The following ATP8B2 variants were observed in gnomAD, a reference collection of about 807,000 sequenced individuals.
The protein encoded by ATP8B2 is ATPase phospholipid transporting 8B2, also known as phospholipid-transporting ATPase ID.
In ATP8B2, 70 loss-of-function variants were observed where a neutral mutation model predicts 133.4. That is an observed-to-expected ratio of 0.52 (90% CI 0.43 to 0.64). The LOEUF (loss-of-function observed/expected upper bound fraction) is 0.64, where lower values mean the gene tolerates loss of function less well. Ranked by LOEUF, ATP8B2 falls within the 30% of genes least tolerant of loss-of-function variation. The probability of loss-of-function intolerance (pLI) is 0.00; values close to 1 mark genes in which losing one functional copy is unlikely to be tolerated. For missense variants in ATP8B2, 1,101 were observed against 1,535.7 expected (o/e 0.72, Z 4.73); for synonymous variants, 517 against 589.5 (o/e 0.88, Z 1.78).
Position 154,349,147 on chromosome 1 carries a change from G to C in ATP8B2, c.*29G>C. The C allele has an allele frequency of 6.2e-7, 1 of 1,603,740 alleles. No individual in the cohort carries two copies. The highest frequency in any genetic ancestry group is 8.5e-7 in the Non-Finnish European group (1 of 1,173,106). On this transcript the variant is annotated 3_prime_UTR_variant, in exon 28 of 28. Transcript: ENST00000368489. ...CCGAGGATGGATGCCCTGTGCCAGT[G>C]ACCAGAGCACCCAGGGCTGGCCAGT... is the stretch of plus-strand genomic sequence containing the variant.
chr1:154,342,054 T>C (rs1484753968), intron 13 of ATP8B2, among the ~76,000 whole-genome samples: 1 of 152,118 alleles, frequency 6.6e-6, no homozygotes, highest in Non-Finnish European at 1.5e-5. Flanking sequence ...TGGGGCAGCA[T>C]GTGGGGCTGA....
In ATP8B2 at chr1:154,340,096, C is replaced by G. The variant is rs1274384515; in HGVS notation, c.1035-758C>G. Among the ~76,000 whole-genome samples the G allele has an allele frequency of 6.6e-6, 1 of 152,140 alleles. No homozygotes were observed. The highest frequency in any genetic ancestry group is 1.5e-5 in the Non-Finnish European group (1 of 68,006). On this transcript the variant is annotated intron_variant, in intron 12 of 27. Transcript: ENST00000368489. The surrounding 1 kb of genome is among the most constrained non-coding windows in gnomAD (Gnocchi z 4.0). ...TAGGGAGGCTGAGGTGGGAGGATTGCTTGAGCCCAGGAGTTTGAGGCTACA... is the reference window on the plus strand; with the variant it reads ...TAGGGAGGCTGAGGTGGGAGGATTGGTTGAGCCCAGGAGTTTGAGGCTACA...
rs538017829 is a variant in ATP8B2 at position 154,339,606 on chromosome 1, A to C, written c.1035-1248A>C. ...ACTTGAAGCCCTTGGGAGCAGCTAA[A>C]GCAGTTTTCTTTCTGAGTCTCATCA... On this transcript the variant is annotated intron_variant, in intron 12 of 27. Coordinates refer to ENST00000368489, the MANE Select transcript of ATP8B2 (RefSeq NM_001370597.1). 9.2e-5 allele frequency among the ~76,000 whole-genome samples: 14 copies of C among 152,292 alleles called. No individual in the cohort carries two copies. In the East Asian group the frequency reaches 2.7e-3, roughly 29 times the overall value.
Position 154,329,215 on chromosome 1 carries a change from G to A in ATP8B2, c.31+1043G>A, listed in dbSNP as rs979583002. 28 of 803,166 alleles carry A rather than the reference G, an allele frequency of 3.5e-5. No homozygotes were observed. The African/African-American group carries it at 5.1e-4, about 14-fold the overall frequency. The allele number at this position is 803,166 out of a possible 1,614,324, so 49.8% of individuals were successfully genotyped here. Reference sequence around the variant, plus strand: ...AGAGATCCTGGCTCCGAAGGATCCAGTCCCTACCTTCTTCGTTTGCATGGT... The same window carrying A: ...AGAGATCCTGGCTCCGAAGGATCCAATCCCTACCTTCTTCGTTTGCATGGT... On this transcript the variant is annotated intron_variant, in intron 2 of 27. Coordinates refer to ENST00000368489, the MANE Select transcript of ATP8B2 (RefSeq NM_001370597.1).
In ATP8B2 at chr1:154,349,265, G is replaced by T; in HGVS notation, c.*147G>T. The T allele has an allele frequency of 9.1e-7, 1 of 1,094,576 alleles. No homozygotes were observed. The highest frequency in any genetic ancestry group is 1.3e-6 in the Non-Finnish European group (1 of 777,394). The allele number at this position is 1,094,576 out of a possible 1,614,324, so 67.8% of individuals were successfully genotyped here. On this transcript the variant is annotated 3_prime_UTR_variant, in exon 28 of 28. Transcript: ENST00000368489. The stretch of plus-strand genomic sequence containing the variant: ...TGTCCTGCTGGTCCCACCACACATG[G>T]CTGGGACATCTGTTCCCAGCTGTAG...
chr1:154,341,025 G>T lies in ATP8B2; in HGVS notation c.1206G>T (p.Met402Ile). The change falls in exon 13 of 28, where the codon ATG becomes ATT. Residue 402 changes from methionine (M) to isoleucine (I), a missense_variant. Physicochemically the swap from Met to Ile is conservative, Grantham distance 10. Transcript: ENST00000368489. The stretch of plus-strand genomic sequence containing the variant: ...CGGGCACCCTCACCCAGAACATCAT[G>T]GTTTTCAACAAGTGCTCCATCAATG... Reference protein sequence around the residue: ...DKTGTLTQNIMVFNKCSINGH... With the variant: ...DKTGTLTQNIIVFNKCSINGH... 1 of 1,614,174 alleles carries T rather than the reference G, an allele frequency of 6.2e-7. No homozygotes were observed.
Position 154,349,348 on chromosome 1 carries a change from A to G in ATP8B2, c.*230A>G. 1.7e-6 allele frequency: 1 copy of G among 594,494 alleles called. No homozygotes were observed. Among genetic ancestry groups the G allele is most frequent in the Non-Finnish European group, 2.9e-6 (1 of 348,402 alleles). The allele number at this position is 594,494 out of a possible 1,614,324, so 36.8% of individuals were successfully genotyped here. A position where few individuals can be genotyped will look rare whatever the true frequency, so the allele number is the denominator to read the frequency against. On this transcript the variant is annotated 3_prime_UTR_variant, in exon 28 of 28. Coordinates refer to ENST00000368489, the MANE Select transcript of ATP8B2 (RefSeq NM_001370597.1). Reference sequence around the variant, plus strand: ...AGGCCCAAGGGCAGAGCAGAGGCTGAGGCACGGGGAGCCAGCCCCACTCGG... The same window carrying G: ...AGGCCCAAGGGCAGAGCAGAGGCTGGGGCACGGGGAGCCAGCCCCACTCGG...
At position 154,330,942 on chromosome 1, in the gene ATP8B2, A is replaced by G. The variant is rs1033048374; in HGVS notation, c.204+14A>G. On this transcript the variant is annotated intron_variant, in intron 4 of 27. Transcript: ENST00000368489. ...CTCATTCTGCAGGTAGGTGACCCAT[A>G]GTAGATTTTTTGCAGCTCCCCAAAC... The G allele has an allele frequency of 1.9e-6, 3 of 1,610,606 alleles. No individual in the cohort carries two copies. The African/African-American group carries it at 4.0e-5, about 22-fold the overall frequency.
At chr1:154,342,565 G>A in intron 14 of ATP8B2, 42 bp downstream of exon 14, 1 of 1,590,438 alleles carries the variant, frequency 6.3e-7, no homozygotes, top group Non-Finnish European at 8.6e-7. Context: ...AGTGAAACAG[G>A]GTGCCTGGCC....
chr1:154,339,232 G>A (rs532180193), intron 12 of ATP8B2, among the ~76,000 whole-genome samples: 1 of 152,272 alleles, frequency 6.6e-6, no homozygotes, highest in Admixed American at 6.5e-5. Flanking sequence ...GGCTTTTCCA[G>A]GGTGTGAAGA....
rs781130040 is a variant in ATP8B2, at chr1:154,344,743, C to T, written c.2244C>T (p.Ala748=). ...SSSKLTSVLE[A]VAGEYALVIN... ...CCAAGCTAACTTCTGTCCTGGAGGC[C>T]GTTGCTGGGGAGTACGCCCTGGTCA... Residue 748 remains alanine (A), a synonymous_variant, in exon 21 of 28, where the codon GCC becomes GCT. Coordinates refer to ENST00000368489, the MANE Select transcript of ATP8B2 (RefSeq NM_001370597.1). The surrounding 1 kb of genome is among the most constrained non-coding windows in gnomAD (Gnocchi z 4.1). 39 of 1,609,712 alleles carry T rather than the reference C, an allele frequency of 2.4e-5. No individual in the cohort carries two copies. Among genetic ancestry groups the T allele is most frequent in the Middle Eastern group, 3.3e-4 (2 of 6,074 alleles).
chr1:154,341,267 T>C, intron 13 of ATP8B2: 2 of 643,748 alleles, frequency 3.1e-6, no homozygotes, highest in Non-Finnish European at 5.5e-6. Context: ...GGAGGATTGC[T>C]CGAGCCCAGG....
At chr1:154,348,028 A>ACAG (rs35837124) in intron 26 of ATP8B2, among the ~76,000 whole-genome samples, 36,534 of 150,884 alleles carry the variant, frequency 0.24, 4,597 homozygotes, top group African/African-American at 0.26. Context: ...CAACAAAAAA[A>ACAG]AAATTAAAAA....
Position 154,337,335 on chromosome 1 carries a change from C to A in ATP8B2, c.838-13C>A, listed in dbSNP as rs746146882. 2 of 1,607,118 alleles carry A rather than the reference C, an allele frequency of 1.2e-6. No individual in the cohort carries two copies. Among genetic ancestry groups the A allele is most frequent in the East Asian group, 2.2e-5 (1 of 44,766 alleles). On this transcript the variant is annotated splice_polypyrimidine_tract_variant and intron_variant, in intron 11 of 27. Coordinates refer to ENST00000368489, the MANE Select transcript of ATP8B2 (RefSeq NM_001370597.1). Reference sequence around the variant, plus strand: ...ACATGTCAGCCTCGCCTGTGCTTCTCATTCCTCCCCAGATTTTTGGATTCC... The same window carrying A: ...ACATGTCAGCCTCGCCTGTGCTTCTAATTCCTCCCCAGATTTTTGGATTCC...
Position 154,343,961 on chromosome 1 carries a change from G to T in ATP8B2, c.1827G>T (p.Glu609Asp). The change falls in exon 18 of 28, where the codon GAG becomes GAT. Residue 609 changes from glutamate (E) to aspartate (D), a missense_variant. Transcript: ENST00000368489. This position sits in a 1 kb window ranked among gnomAD's most constrained non-coding sequence, Gnocchi z 5.8. ...AGGATCTGGATGAAGAGTACTACGAGGAGTGGGCTGAGCGACGCCTCCAGG... is the reference window on the plus strand; with the variant it reads ...AGGATCTGGATGAAGAGTACTACGATGAGTGGGCTGAGCGACGCCTCCAGG... ...AYKDLDEEYY[E>D]EWAERRLQAS... 1.9e-6 allele frequency: 3 copies of T among 1,614,020 alleles called. No homozygotes were observed. Among genetic ancestry groups the T allele is most frequent in the Non-Finnish European group, 2.5e-6 (3 of 1,179,910 alleles).
In ATP8B2 at chr1:154,337,331, T is replaced by C. The variant is rs774692556; in HGVS notation, c.838-17T>C. Reference sequence around the variant, plus strand: ...TCCTACATGTCAGCCTCGCCTGTGCTTCTCATTCCTCCCCAGATTTTTGGA... The same window carrying C: ...TCCTACATGTCAGCCTCGCCTGTGCCTCTCATTCCTCCCCAGATTTTTGGA... On this transcript the variant is annotated splice_polypyrimidine_tract_variant and intron_variant, in intron 11 of 27. Coordinates refer to ENST00000368489, the MANE Select transcript of ATP8B2 (RefSeq NM_001370597.1). 9 of 1,605,762 alleles carry C rather than the reference T, an allele frequency of 5.6e-6. No homozygotes were observed. The South Asian group carries it at 1.0e-4, about 18-fold the overall frequency.
rs115109966 is a variant in ATP8B2, at chr1:154,329,605, C to G, written c.32-791C>G. On this transcript the variant is annotated intron_variant, in intron 2 of 27. Coordinates refer to ENST00000368489, the MANE Select transcript of ATP8B2 (RefSeq NM_001370597.1). ...GATAGGTTTAGCTAGATAGGTGTCACTAACTGAGTGACAGATGAGCCCTTT... is the reference window on the plus strand; with the variant it reads ...GATAGGTTTAGCTAGATAGGTGTCAGTAACTGAGTGACAGATGAGCCCTTT... 5.9e-3 allele frequency among the ~76,000 whole-genome samples: 903 copies of G among 152,248 alleles called. 12 individuals are homozygous for G. The highest frequency in any genetic ancestry group is 0.021 in the African/African-American group (860 of 41,528).
rs1389378866 is a variant in ATP8B2 at position 154,348,536 on chromosome 1, A to G, written c.3292A>G (p.Thr1098Ala). 1 of 1,613,606 alleles carries G rather than the reference A, an allele frequency of 6.2e-7. No homozygotes were observed. Among genetic ancestry groups the G allele is most frequent in the Non-Finnish European group, 8.5e-7 (1 of 1,179,748 alleles). ...CAACCTGAAGCCGGATCTCTCCGACACGGTGAGAAGCCAGGCTACCTGCTG... is the reference window on the plus strand; with the variant it reads ...CAACCTGAAGCCGGATCTCTCCGACGCGGTGAGAAGCCAGGCTACCTGCTG... ...RLNLKPDLSD[T>A]VRYTQLVRKK... The change falls in exon 27 of 28, where the codon ACG (threonine) becomes GCG (alanine). Residue 1098 changes from threonine to alanine, a missense_variant and splice_region_variant. Physicochemically the swap from Thr to Ala is moderately conservative, Grantham distance 58. Transcript: ENST00000368489.
At position 154,331,903 on chromosome 1, in the gene ATP8B2, C is replaced by T. The variant is rs749312774; in HGVS notation, c.439-51C>T. On this transcript the variant is annotated intron_variant, in intron 7 of 27. Transcript: ENST00000368489. The surrounding 1 kb of genome is among the most constrained non-coding windows in gnomAD (Gnocchi z 4.8). ...TGGAAGGAGCCACCATTACAGCCCA[C>T]TGGGGGTGGAGGTTTGCATATTTGG... 2 of 1,558,652 alleles carry T rather than the reference C, an allele frequency of 1.3e-6. No individual in the cohort carries two copies. Among genetic ancestry groups the T allele is most frequent in the East Asian group, 4.5e-5 (2 of 44,614 alleles).
Sources: allele counts gnomAD v4.1 joint callset (sites outside exome capture counted in the v4.1 genomes callset), GRCh38; gene constraint gnomAD v4.1.1; non-coding constraint Gnocchi (gnomAD v3.1); transcripts MANE v1.5; gene names NCBI Gene and HGNC (gene_info 2026-07-23, HGNC 2026-07-21).